Variants in ITGA9 observed in about 807,000 individuals in gnomAD.
The protein encoded by ITGA9 is integrin alpha-9.
A neutral mutation model predicts 127.8 loss-of-function variants in ITGA9; 56 were observed. The ratio of observed to expected loss-of-function variants is 0.44; its 90% CI spans 0.35 to 0.55. The LOEUF (loss-of-function observed/expected upper bound fraction) is 0.55, where lower values mean the gene tolerates loss of function less well. Ranked by LOEUF, ITGA9 falls within the 20% of genes least tolerant of loss-of-function variation. The probability of loss-of-function intolerance (pLI) is 0.00; values close to 1 mark genes in which losing one functional copy is unlikely to be tolerated. For synonymous variants in ITGA9, 508 were observed against 514.5 expected, an observed-to-expected ratio of 0.99 and a Z score of 0.17; for missense variants, 1,196 against 1,347.1, an observed-to-expected ratio of 0.89 and a Z score of 1.76.
chr3:37,653,113 C>T (rs981902314), intron 16 of ITGA9, among the ~76,000 whole-genome samples: 2 of 152,362 alleles, frequency 1.3e-5, no homozygotes, highest in African/African-American at 4.8e-5. Flanking sequence ...AGAGAAAAGG[C>T]ACTGTGTCCC....
chr3:37,709,242 C>T (rs1482446113), intron 18 of ITGA9, among the ~76,000 whole-genome samples: 3 of 152,178 alleles, frequency 2.0e-5, no homozygotes, highest in African/African-American at 4.8e-5. Flanking sequence ...TTCCCTGATA[C>T]AGTGCCCACC....
chr3:37,818,650 G>A, intron 27 of ITGA9: 1 of 556,282 alleles, frequency 1.8e-6, no homozygotes, highest in South Asian at 2.0e-5. Flanking sequence ...CACTACACCA[G>A]ATGCATTTTA....
At chr3:37,710,368 G>A (rs1020196513) in intron 18 of ITGA9, among the ~76,000 whole-genome samples, 2 of 151,134 alleles carry the variant, frequency 1.3e-5, no homozygotes, top group African/African-American at 4.9e-5. Flanking sequence ...CCCCGACATC[G>A]AGAAACTGAC....
rs1318659764 is a variant in ITGA9 at position 37,548,716 on chromosome 3, A to G, written c.1689+6131A>G. 3.3e-5 allele frequency among the ~76,000 whole-genome samples: 5 copies of G among 152,236 alleles called. No individual in the cohort carries two copies. In the East Asian group the frequency reaches 9.7e-4, roughly 29 times the overall value. On this transcript the variant is annotated intron_variant, in intron 15 of 27. Transcript: ENST00000264741. ...ATAGTATCCTGGCTGAGGACCCCTG[A>G]GAGGGCAGCATGGAGGGGCCCTGGT... is the stretch of plus-strand genomic sequence containing the variant.
At chr3:37,766,715 G>T (rs1242731213) in intron 23 of ITGA9, among the ~76,000 whole-genome samples, 2 of 152,046 alleles carry the variant, frequency 1.3e-5, no homozygotes, top group African/African-American at 4.8e-5. Context: ...TCTCATATGG[G>T]GGCTATTCAC....
intron 15 of ITGA9, among the ~76,000 whole-genome samples, chr3:37,556,918 A>G (rs1699436727): frequency 1.3e-5 from 2 of 152,130 alleles, no homozygotes; most frequent in South Asian, 4.1e-4. Context: ...GCCCACGCTG[A>G]TGTGTGTTAA....
chr3:37,796,021 T>A (rs1697168347), intron 26 of ITGA9, among the ~76,000 whole-genome samples: 1 of 152,174 alleles, frequency 6.6e-6, no homozygotes, highest in Non-Finnish European at 1.5e-5. Context: ...AGCCTCCAGC[T>A]CCTGTCTCTC....
intron 26 of ITGA9, among the ~76,000 whole-genome samples, chr3:37,801,660 T>C (rs1350887377): frequency 2.0e-5 from 3 of 151,942 alleles, no homozygotes; most frequent in African/African-American, 7.2e-5. Context: ...AACTAAAAAG[T>C]AGCCAGCCAT....
intron 15 of ITGA9, among the ~76,000 whole-genome samples, chr3:37,547,318 C>T (rs760808005): frequency 3.9e-5 from 6 of 152,198 alleles, no homozygotes; most frequent in Non-Finnish European, 8.8e-5. Flanking sequence ...ACCTAAGTGG[C>T]TGCAGCTCCT....
intron 4 of ITGA9, among the ~76,000 whole-genome samples, chr3:37,484,366 G>T (rs377498872): frequency 6.6e-6 from 1 of 152,162 alleles, no homozygotes. Context: ...GATGCCGGCC[G>T]TAGTGAGAGG....
intron 19 of ITGA9, 69 bp downstream of exon 19, chr3:37,732,867 C>A: frequency 2.4e-6 from 3 of 1,251,324 alleles, no homozygotes; most frequent in Non-Finnish European, 3.5e-6. Context: ...ACTGATTCCG[C>A]CGCCTCCCTG....
At chr3:37,498,542 C>T (rs1050716036) in intron 5 of ITGA9, among the ~76,000 whole-genome samples, 2 of 152,032 alleles carry the variant, frequency 1.3e-5, no homozygotes, top group African/African-American at 2.4e-5. Flanking sequence ...CTCAGGGTGA[C>T]CAGAAGAACA....
At chr3:37,652,522 A>G (rs75439221) in intron 16 of ITGA9, among the ~76,000 whole-genome samples, 2,923 of 152,252 alleles carry the variant, frequency 0.019, 53 homozygotes, top group Non-Finnish European at 0.033. Flanking sequence ...TCTTTTGGAA[A>G]TGTGGCAGGG....
chr3:37,794,633 T>C (rs766932836), intron 26 of ITGA9, among the ~76,000 whole-genome samples: 68 of 152,294 alleles, frequency 4.5e-4, no homozygotes, highest in Non-Finnish European at 7.4e-4. Flanking sequence ...GTGAGGATTA[T>C]GGGGAGTAGT....
chr3:37,550,897 A>G (rs1699371984), intron 15 of ITGA9, among the ~76,000 whole-genome samples: 1 of 152,164 alleles, frequency 6.6e-6, no homozygotes, highest in Admixed American at 6.5e-5. Flanking sequence ...TTTTAGATTC[A>G]CAAGGTACAG....
chr3:37,643,171 G>A (rs1351659125), intron 16 of ITGA9, among the ~76,000 whole-genome samples: 1 of 152,098 alleles, frequency 6.6e-6, no homozygotes, highest in Non-Finnish European at 1.5e-5. Flanking sequence ...AGGGGAAAGG[G>A]GTGTTAGAGG....
chr3:37,596,890 G>A (rs1575162000), intron 15 of ITGA9, among the ~76,000 whole-genome samples: 3 of 152,158 alleles, frequency 2.0e-5, no homozygotes, highest in African/African-American at 7.2e-5. Flanking sequence ...TCTCTAGAGC[G>A]ACTCAGCTTT....
chr3:37,531,316 C>G (rs992139035), intron 13 of ITGA9, among the ~76,000 whole-genome samples: 1 of 152,186 alleles, frequency 6.6e-6, no homozygotes, highest in Non-Finnish European at 1.5e-5. Context: ...AGAGAGGCCT[C>G]TGAAAGATTT....
chr3:37,525,591 C>T (rs897666467), intron 12 of ITGA9, among the ~76,000 whole-genome samples: 1 of 151,902 alleles, frequency 6.6e-6, no homozygotes, highest in Non-Finnish European at 1.5e-5. Context: ...GAAGTATAAG[C>T]CATATGTGTA....
Sources: allele counts gnomAD v4.1 joint callset (sites outside exome capture counted in the v4.1 genomes callset), GRCh38; gene constraint gnomAD v4.1.1; transcripts MANE v1.5; gene names NCBI Gene and HGNC (gene_info 2026-07-23, HGNC 2026-07-21).